The following CHMP1A variants were observed in gnomAD, a reference collection of about 807,000 sequenced individuals.
The protein encoded by CHMP1A is VPS46 homolog A.
A neutral mutation model predicts 27.0 loss-of-function variants in CHMP1A; 17 were observed. The observed-to-expected ratio is 0.63, with a 90% CI of 0.43 to 0.95. The LOEUF (loss-of-function observed/expected upper bound fraction) is 0.95, where lower values mean the gene tolerates loss of function less well. Ranked by LOEUF, CHMP1A falls within the 40% of genes least tolerant of loss-of-function variation. The probability of loss-of-function intolerance (pLI) is 0.00; values close to 1 mark genes in which losing one functional copy is unlikely to be tolerated. For missense variants in CHMP1A, 275 were observed against 264.0 expected (o/e 1.04, Z -0.29); for synonymous variants, 131 against 107.5 (o/e 1.22, Z -1.35).
At chr16:89,650,271 T>G (rs1209095514) in intron 3 of CHMP1A, among the ~76,000 whole-genome samples, 11 of 151,000 alleles carry the variant, frequency 7.3e-5, no homozygotes. Flanking sequence ...CTCCACCTCC[T>G]GGGCTCAAGC....
chr16:89,647,477 C>G (rs1214596820), intron 4 of CHMP1A, 146 bp from the exon 5 acceptor site: 1 of 719,718 alleles, frequency 1.4e-6, no homozygotes, highest in Non-Finnish European at 2.2e-6. Flanking sequence ...GAGCCATCAT[C>G]TGGGTCCTAT....
At chr16:89,646,142 C>T (rs1208401062) in intron 6 of CHMP1A, 55 bp from the exon 7 acceptor site, 8 of 1,460,066 alleles carry the variant, frequency 5.5e-6, no homozygotes, top group African/African-American at 1.4e-5. Context: ...CCTCTGACCA[C>T]CACGTGCTCC....
Position 89,657,689 on chromosome 16 carries a change from C to CG in CHMP1A, c.-102dup. On this transcript the variant is annotated 5_prime_UTR_variant, in exon 1 of 7. Coordinates refer to ENST00000397901, the MANE Select transcript of CHMP1A (RefSeq NM_002768.5). The stretch of plus-strand genomic sequence containing the variant: ...ATCGAACCGACCAAGCTGCACCCGG[C>CG]GGGGACTTCCGGGGTCGCCGCCCCA... 1 of 1,568,628 alleles carries CG rather than the reference C, an allele frequency of 6.4e-7. No individual in the cohort carries two copies. The highest frequency in any genetic ancestry group is 8.6e-7 in the Non-Finnish European group (1 of 1,159,584).
At chr16:89,650,751 A>C (rs2059817777) in intron 3 of CHMP1A, among the ~76,000 whole-genome samples, 1 of 151,830 alleles carries the variant, frequency 6.6e-6, no homozygotes, top group African/African-American at 2.4e-5. Context: ...GGTTGCAGTG[A>C]GCCGAGACCG....
At chr16:89,655,352 C>T (rs544782864) in intron 1 of CHMP1A, among the ~76,000 whole-genome samples, 5 of 132,040 alleles carry the variant, frequency 3.8e-5, no homozygotes, top group East Asian at 2.0e-4. Flanking sequence ...CTGGCCAAAC[C>T]GCCCTCCTCA....
Position 89,646,515 on chromosome 16 carries a change from G to A in CHMP1A, c.569+12C>T. Reference sequence around the variant, plus strand: ...GGGGTTGGTGACACAGCGTTTCGGGGACCGACCCTACCTCCGTGACAGCTG... The same window carrying A: ...GGGGTTGGTGACACAGCGTTTCGGGAACCGACCCTACCTCCGTGACAGCTG... On this transcript the variant is annotated intron_variant, in intron 6 of 6. Coordinates refer to ENST00000397901, the MANE Select transcript of CHMP1A (RefSeq NM_002768.5). 2 of 1,563,496 alleles carry A rather than the reference G, an allele frequency of 1.3e-6. No homozygotes were observed. Among genetic ancestry groups the A allele is most frequent in the Admixed American group, 1.9e-5 (1 of 53,240 alleles).
At chr16:89,652,836 G>A (rs1399440307) in intron 2 of CHMP1A, among the ~76,000 whole-genome samples, 3 of 152,138 alleles carry the variant, frequency 2.0e-5, no homozygotes, top group East Asian at 1.9e-4. Flanking sequence ...GGCCACAGAT[G>A]AGCAGCCAGG....
intron 3 of CHMP1A, among the ~76,000 whole-genome samples, chr16:89,650,372 C>T (rs1212012819): frequency 3.3e-5 from 5 of 152,126 alleles, no homozygotes; most frequent in Non-Finnish European, 7.4e-5. Flanking sequence ...CTGCCCTGTC[C>T]ATCATGGGGA....
At chr16:89,646,927 G>A (rs2059778644) in intron 5 of CHMP1A, 2 of 925,220 alleles carry the variant, frequency 2.2e-6, no homozygotes, top group Non-Finnish European at 3.1e-6. Context: ...CATGCCTGCT[G>A]CCGCGGGTGG....
At chr16:89,649,275 C>G in intron 4 of CHMP1A, 76 bp downstream of exon 4, 1 of 1,559,516 alleles carries the variant, frequency 6.4e-7, no homozygotes. Context: ...TGAGCTGCCC[C>G]AGATCCAGAC....
intron 3 of CHMP1A, among the ~76,000 whole-genome samples, chr16:89,650,835 G>C (rs2059818433): frequency 6.6e-6 from 1 of 151,368 alleles, no homozygotes; most frequent in South Asian, 2.1e-4. Flanking sequence ...GTGGCAGACA[G>C]CTAGCTAGCA....
intron 2 of CHMP1A, among the ~76,000 whole-genome samples, chr16:89,653,694 G>T (rs1444285931): frequency 1.3e-5 from 2 of 149,386 alleles, no homozygotes; most frequent in African/African-American, 4.9e-5. Context: ...CTAAGGATCT[G>T]CCTCCACTTA....
intron 4 of CHMP1A, 176 bp downstream of exon 4, chr16:89,649,150 CAGCTTAACTCAACCTCCCCACCCCA>C: frequency 2.7e-6 from 1 of 363,938 alleles, no homozygotes; most frequent in Non-Finnish European, 4.5e-6. Flanking sequence ...CACGCTGATC[CAGCTTAACTCAACCTCCCCACCCCA>C]CGCTGATCCA....
chr16:89,649,565 TTTTTG>T lies in CHMP1A; in HGVS notation c.106-73_106-69del, dbSNP rs375799961. On this transcript the variant is annotated intron_variant, in intron 3 of 6. Coordinates refer to ENST00000397901, the MANE Select transcript of CHMP1A (RefSeq NM_002768.5). Reference sequence around the variant, plus strand: ...TGTGTGCCCCCTGCTAGGAGCCCAGTTTTTGTTTTGTTTTGTTTTGTTTTGTTTGA... The same window carrying T: ...TGTGTGCCCCCTGCTAGGAGCCCAGTTTTTGTTTTGTTTTGTTTTGTTTGA... 2.5e-4 allele frequency: 396 copies of T among 1,581,958 alleles called. 1 individual carries two copies. Among genetic ancestry groups the T allele is most frequent in the Admixed American group, 7.3e-4 (40 of 55,030 alleles).
Position 89,657,552 on chromosome 16 carries a change from A to T in CHMP1A, c.7+30T>A, listed in dbSNP as rs376002596. The T allele has an allele frequency of 4.9e-5, 79 of 1,609,794 alleles. 1 individual carries two copies. The South Asian group carries it at 6.5e-4, about 13-fold the overall frequency. On this transcript the variant is annotated intron_variant, in intron 1 of 6. Transcript: ENST00000397901. ...GAGAAGCGGCCCCGCCCCGCGCGCGAGTCCCCGGAGGACGGCCGCGACCTC... is the reference window on the plus strand; with the variant it reads ...GAGAAGCGGCCCCGCCCCGCGCGCGTGTCCCCGGAGGACGGCCGCGACCTC...
chr16:89,650,553 C>T (rs904402117), intron 3 of CHMP1A, among the ~76,000 whole-genome samples: 4 of 152,102 alleles, frequency 2.6e-5, no homozygotes, highest in Non-Finnish European at 5.9e-5. Flanking sequence ...TGCCTGTAAT[C>T]CCAGCACTCT....
intron 5 of CHMP1A, 34 bp downstream of exon 5, chr16:89,647,169 C>A: frequency 6.2e-7 from 1 of 1,603,550 alleles, no homozygotes; most frequent in East Asian, 2.3e-5. Context: ...CTCCTTGTCC[C>A]CAGGCCACAG....
intron 2 of CHMP1A, among the ~76,000 whole-genome samples, chr16:89,652,426 G>A (rs1224641665): frequency 7.0e-6 from 1 of 142,902 alleles, no homozygotes; most frequent in Non-Finnish European, 1.5e-5. Context: ...CTGGCCACCA[G>A]CACCTCGAGG....
Position 89,645,909 on chromosome 16 carries a change from C to T in CHMP1A, c.*157G>A, listed in dbSNP as rs1323574329. On this transcript the variant is annotated 3_prime_UTR_variant, in exon 7 of 7. Transcript: ENST00000397901. ...ACCGCCCAACCTAAAAGAACAGGAA[C>T]AACCCTAAGGCCACGCAGGCCTGGC... 4.4e-6 allele frequency: 7 copies of T among 1,604,704 alleles called. No homozygotes were observed. The South Asian group carries it at 6.7e-5, about 15-fold the overall frequency.
Sources: allele counts gnomAD v4.1 joint callset (sites outside exome capture counted in the v4.1 genomes callset), GRCh38; gene constraint gnomAD v4.1.1; transcripts MANE v1.5; gene names NCBI Gene and HGNC (gene_info 2026-07-23, HGNC 2026-07-21).